Variants in IGF1R observed in about 807,000 individuals in gnomAD.
IGF1R encodes insulin-like growth factor 1 receptor.
A neutral mutation model predicts 144.6 loss-of-function variants in IGF1R; 44 were observed. The observed-to-expected ratio is 0.30, with a 90% CI of 0.24 to 0.39. The LOEUF is 0.39. IGF1R is among the 10% of genes least tolerant of loss of function. The pLI is 1.00. For missense variants in IGF1R, 1,355 were observed against 1,833.7 expected (o/e 0.74, Z 4.77); for synonymous variants, 795 against 722.8 (o/e 1.10, Z -1.60).
intron 6 of IGF1R, among the ~76,000 whole-genome samples, chr15:98,910,940 C>T (rs1302688324): frequency 6.6e-6 from 1 of 152,204 alleles, no homozygotes; most frequent in Non-Finnish European, 1.5e-5. Flanking sequence ...TTCAGGGCAG[C>T]CTAAAGGCTC....
At chr15:98,680,803 G>A (rs1424738535) in intron 1 of IGF1R, among the ~76,000 whole-genome samples, 1 of 150,722 alleles carries the variant, frequency 6.6e-6, no homozygotes, top group East Asian at 1.9e-4. Flanking sequence ...AACTCTTGGT[G>A]TCAAGCAAGT....
At chr15:98,688,805 G>T (rs1028838107) in intron 1 of IGF1R, among the ~76,000 whole-genome samples, 2 of 151,938 alleles carry the variant, frequency 1.3e-5, no homozygotes, top group African/African-American at 4.8e-5. Context: ...TATTTTTTTT[G>T]GAGAAAGGGC....
chr15:98,817,769 A>G (rs970271628), intron 2 of IGF1R, among the ~76,000 whole-genome samples: 1 of 152,184 alleles, frequency 6.6e-6, no homozygotes, highest in African/African-American at 2.4e-5. Context: ...CTGAAGTTGA[A>G]TAGTCTTCCA....
intron 10 of IGF1R, among the ~76,000 whole-genome samples, chr15:98,919,266 G>T (rs2015385416): frequency 6.6e-6 from 1 of 152,128 alleles, no homozygotes; most frequent in African/African-American, 2.4e-5. Flanking sequence ...ACCAGCAGAG[G>T]CTTAGCTCGT....
rs766108650 is a variant in IGF1R at position 98,934,864 on chromosome 15, C to T, written c.2997C>T (p.Ile999=). 2 of 1,614,126 alleles carry T rather than the reference C, an allele frequency of 1.2e-6. No individual in the cohort carries two copies. The highest frequency in any genetic ancestry group is 2.2e-5 in the South Asian group (2 of 91,074). ...AGTGGGAGGTGGCTCGGGAGAAGAT[C>T]ACCATGAGCCGGGAACTTGGGCAGG... ...PDEWEVAREK[I]TMSRELGQGS... The change falls in exon 16 of 21, where the codon ATC becomes ATT. Residue 999 remains isoleucine (I), a synonymous_variant. Transcript: ENST00000650285.
intron 2 of IGF1R, among the ~76,000 whole-genome samples, chr15:98,874,804 G>C (rs1258078759): frequency 6.6e-6 from 1 of 152,232 alleles, no homozygotes; most frequent in East Asian, 1.9e-4. Context: ...CCTAGCTTGG[G>C]GGTGGGGAGT....
intron 2 of IGF1R, among the ~76,000 whole-genome samples, chr15:98,751,162 G>A (rs2055001346): frequency 6.6e-6 from 1 of 152,034 alleles, no homozygotes; most frequent in East Asian, 1.9e-4. Flanking sequence ...TTATTTCCTA[G>A]CATTTAAAAG....
chr15:98,825,143 T>C (rs1319553026), intron 2 of IGF1R, among the ~76,000 whole-genome samples: 1 of 152,186 alleles, frequency 6.6e-6, no homozygotes, highest in Non-Finnish European at 1.5e-5. Context: ...CCGGTTGTTT[T>C]GTTCTTTAAT....
chr15:98,902,412 G>A lies in IGF1R; in HGVS notation c.1247+2791G>A, dbSNP rs544291910. On this transcript the variant is annotated intron_variant, in intron 5 of 20. Coordinates refer to ENST00000650285, the MANE Select transcript of IGF1R (RefSeq NM_000875.5). ...TTAACACGTGTCACACTATTTTCTTGAACTTTTTTTTTTTTTTTTTTTTGA... is the reference window on the plus strand; with the variant it reads ...TTAACACGTGTCACACTATTTTCTTAAACTTTTTTTTTTTTTTTTTTTTGA... Among the ~76,000 whole-genome samples the A allele has an allele frequency of 2.9e-3, 410 of 141,582 alleles. 5 individuals carry two copies. The highest frequency in any genetic ancestry group is 0.01 in the African/African-American group (385 of 38,474). The allele number at this position is 141,582 out of a possible 152,430, so 92.9% of individuals were successfully genotyped here.
At chr15:98,788,137 C>G (rs536263275) in intron 2 of IGF1R, among the ~76,000 whole-genome samples, 3 of 151,536 alleles carry the variant, frequency 2.0e-5, no homozygotes, top group East Asian at 3.9e-4. Flanking sequence ...GGGGTGACCT[C>G]CTACACATGC....
chr15:98,916,677 A>C lies in IGF1R; in HGVS notation c.2002A>C (p.Ile668Leu), dbSNP rs1316265369. ...GGCTTTTCTTTTCCGAGAAGACAAA[A>C]TCCCCATCAGGAAGTATGCCGACGG... ...YRHNYCSKDK[I>L]PIRKYADGTI... Residue 668 changes from isoleucine to leucine, a missense_variant, in exon 10 of 21, where the codon ATC becomes CTC. Physicochemically the swap from Ile to Leu is conservative, Grantham distance 5. This residue lies in a region of IGF1R where 880 missense variants were observed against 1,202.7 expected (regional missense o/e 0.73). Coordinates refer to ENST00000650285, the MANE Select transcript of IGF1R (RefSeq NM_000875.5). 6.2e-7 allele frequency: 1 copy of C among 1,614,028 alleles called. No homozygotes were observed. The highest frequency in any genetic ancestry group is 1.3e-5 in the African/African-American group (1 of 75,028).
At chr15:98,665,804 C>A (rs2052722893) in intron 1 of IGF1R, among the ~76,000 whole-genome samples, 1 of 152,218 alleles carries the variant, frequency 6.6e-6, no homozygotes, top group African/African-American at 2.4e-5. Flanking sequence ...TTGCCTGATG[C>A]AGGATGGTGC....
At chr15:98,725,629 T>C (rs1307886907) in intron 2 of IGF1R, among the ~76,000 whole-genome samples, 1 of 152,200 alleles carries the variant, frequency 6.6e-6, no homozygotes, top group Non-Finnish European at 1.5e-5. Flanking sequence ...ATCAAGATCC[T>C]TGTACCAGTG....
At chr15:98,734,004 C>A (rs1380990361) in intron 2 of IGF1R, among the ~76,000 whole-genome samples, 2 of 152,156 alleles carry the variant, frequency 1.3e-5, no homozygotes, top group Admixed American at 6.5e-5. Flanking sequence ...GTGTTCCGAG[C>A]CATAGGTAAC....
At chr15:98,933,664 CAG>C (rs2016029324) in intron 15 of IGF1R, among the ~76,000 whole-genome samples, 1 of 152,198 alleles carries the variant, frequency 6.6e-6, no homozygotes, top group African/African-American at 2.4e-5. Flanking sequence ...TAAACAGAAA[CAG>C]AAACTGGAGA....
intron 13 of IGF1R, among the ~76,000 whole-genome samples, chr15:98,926,384 T>C (rs2015719300): frequency 6.6e-6 from 1 of 151,080 alleles, no homozygotes; most frequent in Admixed American, 6.7e-5. Flanking sequence ...ATAAGTTCAA[T>C]AGATATATTG....
intron 20 of IGF1R, among the ~76,000 whole-genome samples, chr15:98,956,631 C>T (rs2016996833): frequency 6.6e-6 from 1 of 152,126 alleles, no homozygotes; most frequent in Non-Finnish European, 1.5e-5. Context: ...CACTCATCAG[C>T]CTTCCTGGTG....
intron 1 of IGF1R, among the ~76,000 whole-genome samples, chr15:98,661,080 AGAGAGAGATGGAGATTT>A (rs138102346): frequency 0.33 from 50,342 of 152,016 alleles, 9,060 homozygotes; most frequent in Non-Finnish European, 0.39. Context: ...TACTAGGCAG[AGAGAGAGATGGAGATTT>A]GAGGGAGATG....
At chr15:98,761,667 C>T (rs2055298548) in intron 2 of IGF1R, among the ~76,000 whole-genome samples, 1 of 152,246 alleles carries the variant, frequency 6.6e-6, no homozygotes, top group South Asian at 2.1e-4. Flanking sequence ...ACTCCAACCA[C>T]ATTTCCATCC....
Sources: gnomAD v4.1 joint callset for allele counts (sites outside exome capture counted in the v4.1 genomes callset) on GRCh38, gnomAD v4.1.1 for gene constraint, gnomAD v4.1.1 regional missense constraint, MANE v1.5 for transcripts, NCBI Gene and HGNC (gene_info 2026-07-23, HGNC 2026-07-21) for gene names.